Variants in ZNF385D observed in about 807,000 individuals in gnomAD.
ZNF385D encodes zinc finger protein 659.
Under a neutral mutation model 35.8 loss-of-function variants are expected in ZNF385D, and 15 were observed. The observed-to-expected ratio is 0.42, with a 90% CI of 0.28 to 0.64. The LOEUF is 0.64. ZNF385D is among the 30% of genes least tolerant of loss of function. The pLI is 0.23. For missense variants in ZNF385D, 474 were observed against 494.6 expected (o/e 0.96, Z 0.39); for synonymous variants, 212 against 186.8 (o/e 1.13, Z -1.10).
chr3:21,895,577 G>A (rs1166995038), intron 3 of ZNF385D, among the ~76,000 whole-genome samples: 1 of 149,566 alleles, frequency 6.7e-6, no homozygotes, highest in Non-Finnish European at 1.5e-5. Context: ...CTGACCTCAA[G>A]TGATCTGCCC....
At chr3:22,352,045 C>T (rs1227433743) in intron 2 of ZNF385D, among the ~76,000 whole-genome samples, 2 of 152,146 alleles carry the variant, frequency 1.3e-5, no homozygotes, top group African/African-American at 4.8e-5. Flanking sequence ...TCTGAGCCAG[C>T]CACAAACCTT....
intron 3 of ZNF385D, among the ~76,000 whole-genome samples, chr3:21,514,288 A>C (rs1269354449): frequency 6.6e-6 from 1 of 152,188 alleles, no homozygotes; most frequent in African/African-American, 2.4e-5. Flanking sequence ...AAGTTAAATA[A>C]GTAACTGTAC....
rs190773813 is a variant in ZNF385D, at chr3:22,079,817, G to C, written c.325+89000C>G. Among the ~76,000 whole-genome samples the C allele has an allele frequency of 3.0e-4, 46 of 151,970 alleles. 1 individual carries two copies. The highest frequency in any genetic ancestry group is 1.1e-3 in the African/African-American group (45 of 41,488). Reference sequence around the variant, plus strand: ...GACCTTGGACATACGGGTATTAAAAGACATACGTATGAAATGCATACTGAT... The same window carrying C: ...GACCTTGGACATACGGGTATTAAAACACATACGTATGAAATGCATACTGAT... On this transcript the variant is annotated intron_variant, in intron 3 of 5. Coordinates refer to the ZNF385D transcript ENST00000494108.
chr3:21,955,362 G>A (rs898060053), intron 3 of ZNF385D, among the ~76,000 whole-genome samples: 1 of 152,044 alleles, frequency 6.6e-6, no homozygotes, highest in African/African-American at 2.4e-5. Context: ...GGAAAATGCA[G>A]GTAATTCCAC....
intron 3 of ZNF385D, among the ~76,000 whole-genome samples, chr3:21,812,749 T>C (rs2072982643): frequency 6.6e-6 from 1 of 152,190 alleles, no homozygotes; most frequent in Admixed American, 6.5e-5. Context: ...TGCCTGCCTC[T>C]GTAGACTCCA....
At chr3:22,151,255 A>G (rs1429557958) in intron 3 of ZNF385D, among the ~76,000 whole-genome samples, 1 of 152,084 alleles carries the variant, frequency 6.6e-6, no homozygotes, top group Non-Finnish European at 1.5e-5. Flanking sequence ...TGACGGTGGT[A>G]GCACTATGCT....
At chr3:22,008,189 A>G (rs1288740159) in intron 3 of ZNF385D, among the ~76,000 whole-genome samples, 2 of 152,082 alleles carry the variant, frequency 1.3e-5, no homozygotes, top group Non-Finnish European at 2.9e-5. Flanking sequence ...CAGAACTTCT[A>G]AGTGCTACAC....
intron 3 of ZNF385D, among the ~76,000 whole-genome samples, chr3:21,821,897 T>C (rs1296810872): frequency 6.7e-6 from 1 of 149,526 alleles, no homozygotes; most frequent in Non-Finnish European, 1.5e-5. Flanking sequence ...GCCTGGGAGG[T>C]TGAGGCTGCA....
chr3:22,177,070 G>C (rs1165182791), intron 2 of ZNF385D, among the ~76,000 whole-genome samples: 1 of 151,974 alleles, frequency 6.6e-6, no homozygotes, highest in African/African-American at 2.4e-5. Context: ...ATATCTTCTT[G>C]AATCAGTCAT....
chr3:22,212,931 A>C (rs1390711433), intron 2 of ZNF385D, among the ~76,000 whole-genome samples: 1 of 152,178 alleles, frequency 6.6e-6, no homozygotes, highest in Non-Finnish European at 1.5e-5. Flanking sequence ...AAAAAAATCA[A>C]TTGTATTAAT....
Position 22,342,938 on chromosome 3 carries a change from GC to G in ZNF385D, c.106+29511del, listed in dbSNP as rs779291612. On this transcript the variant is annotated intron_variant, in intron 2 of 5. Transcript: ENST00000494108. The stretch of plus-strand genomic sequence containing the variant: ...CAGTGGTAGCCTCTAGCTTCAGGTA[GC>G]TATTGAGCATTTAAAACATGACCAG... 5.3e-5 allele frequency among the ~76,000 whole-genome samples: 8 copies of G among 152,306 alleles called. No individual in the cohort carries two copies. The East Asian group carries it at 1.2e-3, about 22-fold the overall frequency.
In ZNF385D at chr3:22,126,992, A is replaced by G. The variant is rs529589863; in HGVS notation, c.325+41825T>C. On this transcript the variant is annotated intron_variant, in intron 3 of 5. Transcript: ENST00000494108. ...TCTTCTATCTGATGCAAGTATAGTT[A>G]TTCCTGTTCTTTTTTGGCTTTCATT... Among the ~76,000 whole-genome samples, 5 of 151,822 alleles carry G rather than the reference A, an allele frequency of 3.3e-5. No individual in the cohort carries two copies. The East Asian group carries it at 9.7e-4, about 29-fold the overall frequency.
At chr3:21,535,249 T>C (rs1204576721) in intron 3 of ZNF385D, among the ~76,000 whole-genome samples, 1 of 152,156 alleles carries the variant, frequency 6.6e-6, no homozygotes, top group African/African-American at 2.4e-5. Context: ...ATAAAGCCTT[T>C]TTCTTTTTCC....
At chr3:21,753,343 G>A (rs2070187949), upstream of ZNF385D, among the ~76,000 whole-genome samples, 1 of 152,140 alleles carries the variant, frequency 6.6e-6, no homozygotes, top group South Asian at 2.1e-4. Flanking sequence ...AATGGCTCAG[G>A]TAAAAGTCAC....
chr3:21,506,796 C>A (rs578170365), intron 4 of ZNF385D, among the ~76,000 whole-genome samples: 68 of 152,210 alleles, frequency 4.5e-4, no homozygotes, highest in African/African-American at 1.6e-3. Flanking sequence ...AGTAAATTCA[C>A]CAACCTAACA....
At chr3:22,117,406 G>A (rs972687941) in intron 3 of ZNF385D, among the ~76,000 whole-genome samples, 2 of 151,898 alleles carry the variant, frequency 1.3e-5, no homozygotes, top group African/African-American at 4.8e-5. Context: ...TAAATTATGG[G>A]GAATGGTTAC....
intron 3 of ZNF385D, among the ~76,000 whole-genome samples, chr3:21,984,647 G>A (rs1336557996): frequency 1.2e-4 from 12 of 103,980 alleles, no homozygotes; most frequent in Middle Eastern, 4.0e-3. Context: ...TTGGCGATGC[G>A]GGCTCTTTTT....
At chr3:21,794,013 G>C (rs1010364793) in intron 3 of ZNF385D, among the ~76,000 whole-genome samples, 1 of 152,138 alleles carries the variant, frequency 6.6e-6, no homozygotes, top group Non-Finnish European at 1.5e-5. Context: ...CACTCATCAA[G>C]GATCAGGGAC....
chr3:21,882,498 G>T (rs972055264), intron 3 of ZNF385D, among the ~76,000 whole-genome samples: 1 of 151,904 alleles, frequency 6.6e-6, no homozygotes, highest in Non-Finnish European at 1.5e-5. Context: ...ACTTTTATAT[G>T]CACTAGAAAA....
Sources: gnomAD v4.1 joint callset for allele counts (sites outside exome capture counted in the v4.1 genomes callset) on GRCh38, gnomAD v4.1.1 for gene constraint, MANE v1.5 for transcripts, NCBI Gene and HGNC (gene_info 2026-07-23, HGNC 2026-07-21) for gene names.